The following GRM8 variants were observed in gnomAD, a reference collection of about 807,000 sequenced individuals.
GRM8 encodes the protein metabotropic glutamate receptor 8.
A neutral mutation model predicts 87.2 loss-of-function variants in GRM8; 47 were observed. That is an observed-to-expected ratio of 0.54 (90% CI 0.43 to 0.69). The LOEUF is 0.69. GRM8 is among the 30% of genes least tolerant of loss of function. The pLI, the probability that GRM8 is intolerant of heterozygous loss-of-function variation, is 0.00. For synonymous variants in GRM8, 396 were observed against 404.5 expected, an observed-to-expected ratio of 0.98 and a Z score of 0.25; for missense variants, 1,019 against 1,139.2, an observed-to-expected ratio of 0.89 and a Z score of 1.52.
At chr7:127,109,271 T>A (rs1438502281) in intron 2 of GRM8, among the ~76,000 whole-genome samples, 1 of 151,854 alleles carries the variant, frequency 6.6e-6, no homozygotes, top group Non-Finnish European at 1.5e-5. Flanking sequence ...AAGAAAAGCA[T>A]CCCAAGAAAA....
intron 6 of GRM8, among the ~76,000 whole-genome samples, chr7:126,896,245 G>A (rs114698038): frequency 0.018 from 2,696 of 151,458 alleles, 25 homozygotes; most frequent in East Asian, 0.042. Flanking sequence ...AATTCAACAT[G>A]AAATCTCAGA....
chr7:126,656,484 C>A (rs1397060235), intron 7 of GRM8, among the ~76,000 whole-genome samples: 1 of 152,026 alleles, frequency 6.6e-6, no homozygotes, highest in Non-Finnish European at 1.5e-5. Flanking sequence ...CGAGACCAAC[C>A]TGACCAACAT....
At position 127,243,437 on chromosome 7, in the gene GRM8, T is replaced by C. The variant is rs1038492577; in HGVS notation, c.-233A>G. ...CAACTTGCCTGGAATGGTGCAAAAA[T>C]TAGAACATCTGAGGTTCTGATGTTG... On this transcript the variant is annotated 5_prime_UTR_variant, in exon 2 of 11. An upstream open reading frame in the 5' UTR loses its in-frame stop. Coordinates refer to ENST00000339582, the MANE Select transcript of GRM8 (RefSeq NM_000845.3). The C allele has an allele frequency of 1.9e-6, 1 of 525,688 alleles. No individual in the cohort carries two copies. The highest frequency in any genetic ancestry group is 3.3e-6 in the Non-Finnish European group (1 of 299,102). The allele number at this position is 525,688 out of a possible 1,614,324, so 32.6% of individuals were successfully genotyped here. A position where few individuals can be genotyped will look rare whatever the true frequency, so the allele number is the denominator to read the frequency against.
chr7:126,788,420 A>C (rs10268426), intron 6 of GRM8, among the ~76,000 whole-genome samples: 2 of 81,120 alleles, frequency 2.5e-5, no homozygotes, highest in African/African-American at 9.2e-5. Context: ...AAAAAAAAAA[A>C]AAACCCTTTC....
intron 2 of GRM8, among the ~76,000 whole-genome samples, chr7:127,134,456 A>G (rs1475901795): frequency 2.0e-5 from 3 of 152,204 alleles, no homozygotes; most frequent in African/African-American, 7.2e-5. Flanking sequence ...AATGGGCCTG[A>G]TTTACCTTAA....
intron 8 of GRM8, among the ~76,000 whole-genome samples, chr7:126,588,649 C>G (rs888244182): frequency 9.9e-5 from 15 of 152,128 alleles, no homozygotes; most frequent in Non-Finnish European, 1.9e-4. Flanking sequence ...TTGCAGCTCC[C>G]ACTCAGACAG....
chr7:126,915,934 CT>C (rs563132434), intron 3 of GRM8, among the ~76,000 whole-genome samples: 60 of 152,222 alleles, frequency 3.9e-4, no homozygotes, highest in African/African-American at 1.4e-3. Context: ...TTTGTATTTT[CT>C]TTGGATTATG....
At chr7:127,012,619 C>T (rs993841763) in intron 3 of GRM8, among the ~76,000 whole-genome samples, 1 of 152,098 alleles carries the variant, frequency 6.6e-6, no homozygotes, top group East Asian at 1.9e-4. Context: ...CAGTTCACAT[C>T]ACAGCTTCTA....
chr7:126,883,685 G>T (rs887135507), intron 6 of GRM8, among the ~76,000 whole-genome samples: 10 of 152,036 alleles, frequency 6.6e-5, no homozygotes, highest in Admixed American at 2.6e-4. Flanking sequence ...TCAAAAACCA[G>T]CACCAGATGA....
intron 3 of GRM8, among the ~76,000 whole-genome samples, chr7:127,025,223 T>C (rs894621276): frequency 6.6e-6 from 1 of 152,062 alleles, no homozygotes; most frequent in African/African-American, 2.4e-5. Context: ...CAGAACAAGG[T>C]AGACTACAGG....
chr7:126,467,276 C>T (rs1337333037), intron 9 of GRM8, among the ~76,000 whole-genome samples: 2 of 151,124 alleles, frequency 1.3e-5, no homozygotes, highest in South Asian at 2.1e-4. Context: ...TAGTTTATTT[C>T]GTTGCTGAGT....
In GRM8 at chr7:127,137,220, TACAC is replaced by T. The variant is rs145265792; in HGVS notation, c.511-30512_511-30509del. 1.7e-3 allele frequency among the ~76,000 whole-genome samples: 262 copies of T among 149,880 alleles called. 7 individuals carry two copies. The South Asian group carries it at 0.052, about 30-fold the overall frequency. On this transcript the variant is annotated intron_variant, in intron 2 of 10. Transcript: ENST00000339582. ...ACATACACATGCATAAACATACACA[TACAC>T]ACACACACACACACATTCCATATAG...
chr7:126,787,320 T>C (rs111744327), intron 6 of GRM8, among the ~76,000 whole-genome samples: 1 of 152,202 alleles, frequency 6.6e-6, no homozygotes, highest in African/African-American at 2.4e-5. Flanking sequence ...CTTTCTCAGA[T>C]TTCTGGGAGT....
chr7:127,182,516 GC>G (rs1794506383), intron 2 of GRM8, among the ~76,000 whole-genome samples: 4 of 151,832 alleles, frequency 2.6e-5, no homozygotes, highest in Admixed American at 2.6e-4. Flanking sequence ...AAGAAAGGAA[GC>G]CATTATTCGA....
chr7:127,144,558 C>A (rs1327698503), intron 2 of GRM8, among the ~76,000 whole-genome samples: 1 of 152,072 alleles, frequency 6.6e-6, no homozygotes, highest in Non-Finnish European at 1.5e-5. Flanking sequence ...AAATCATGAC[C>A]ATTGTTAAAA....
intron 10 of GRM8, among the ~76,000 whole-genome samples, chr7:126,439,897 T>A (rs568391785): frequency 6.6e-6 from 1 of 150,602 alleles, no homozygotes; most frequent in South Asian, 2.1e-4. Flanking sequence ...GTAAAATGAA[T>A]AAATAAAAAT....
chr7:126,889,959 T>C (rs1395266240), intron 6 of GRM8, among the ~76,000 whole-genome samples: 1 of 152,132 alleles, frequency 6.6e-6, no homozygotes, highest in Non-Finnish European at 1.5e-5. Context: ...TTAAAAATTG[T>C]TGTTCTATAG....
intron 7 of GRM8, among the ~76,000 whole-genome samples, chr7:126,672,374 G>A (rs1806474031): frequency 6.6e-6 from 1 of 152,102 alleles, no homozygotes; most frequent in Non-Finnish European, 1.5e-5. Context: ...AGGAACCAGG[G>A]ATGCCTGCTC....
intron 8 of GRM8, among the ~76,000 whole-genome samples, chr7:126,566,868 A>C (rs1794262710): frequency 6.6e-6 from 1 of 152,230 alleles, no homozygotes; most frequent in Non-Finnish European, 1.5e-5. Flanking sequence ...GAAATTCCGC[A>C]ATATGTGACA....
Sources: allele counts gnomAD v4.1 joint callset (sites outside exome capture counted in the v4.1 genomes callset), GRCh38; gene constraint gnomAD v4.1.1; transcripts MANE v1.5; gene names NCBI Gene and HGNC (gene_info 2026-07-23, HGNC 2026-07-21).